APBA2: variants seen among roughly 807,000 people sequenced by gnomAD.
APBA2 encodes amyloid-beta A4 precursor protein-binding family A member 2.
In APBA2, 30 loss-of-function variants were observed where a neutral mutation model predicts 75.0. The ratio of observed to expected loss-of-function variants is 0.40; its 90% CI spans 0.30 to 0.54. The LOEUF (loss-of-function observed/expected upper bound fraction) is 0.54. Among genes scored for constraint, APBA2 ranks in the 20% least tolerant of loss-of-function variants. The pLI is 0.49. For synonymous variants in APBA2, 444 were observed against 409.6 expected (o/e 1.08, Z -1.01); for missense variants, 801 against 1,016.1 (o/e 0.79, Z 2.88).
intron 6 of APBA2, among the ~76,000 whole-genome samples, 174 bp from the exon 7 acceptor site, chr15:29,092,901 T>C (rs1325459686): frequency 6.6e-6 from 1 of 151,876 alleles, no homozygotes; most frequent in East Asian, 1.9e-4. Context: ...CAGCACGGGG[T>C]AGTGAGGGAA....
chr15:28,903,381 T>G (rs538122892), intron 1 of APBA2, among the ~76,000 whole-genome samples: 1 of 152,320 alleles, frequency 6.6e-6, no homozygotes, highest in East Asian at 1.9e-4. Flanking sequence ...GGCTGGCACC[T>G]GAGCATTTAT....
At chr15:29,106,583 C>G in intron 11 of APBA2, 24 bp from the exon 12 acceptor site, 1 of 1,612,950 alleles carries the variant, frequency 6.2e-7, no homozygotes, top group Non-Finnish European at 8.5e-7. Context: ...GCCAGCCCCT[C>G]TCACACTGCT....
At chr15:28,987,309 C>T (rs2037974973) in intron 2 of APBA2, among the ~76,000 whole-genome samples, 1 of 152,144 alleles carries the variant, frequency 6.6e-6, no homozygotes, top group African/African-American at 2.4e-5. Context: ...CACACATAGT[C>T]TGTGGGCCAG....
chr15:28,906,036 T>C (rs2033115539), intron 1 of APBA2, among the ~76,000 whole-genome samples: 1 of 152,070 alleles, frequency 6.6e-6, no homozygotes, highest in African/African-American at 2.4e-5. Context: ...TTTCTGTCTG[T>C]GGAAATATTT....
rs2044127483 is a variant in APBA2, at chr15:29,101,608, A to T, written c.1348A>T (p.Met450Leu). The T allele has an allele frequency of 6.2e-7, 1 of 1,613,350 alleles. No individual in the cohort carries two copies. Residue 450 changes from methionine to leucine, a missense_variant, in exon 10 of 15, where the codon ATG becomes TTG. Physicochemically the swap from Met to Leu is conservative, Grantham distance 15 (BLOSUM62 2). Transcript: ENST00000683413. ...VLNADTQETM[M>L]DHALRTISYI... Reference sequence around the variant, plus strand: ...GTCTCCCTCCCGACAGGAAACCATGATGGACCACGCCTTGCGTACCATCTC... The same window carrying T: ...GTCTCCCTCCCGACAGGAAACCATGTTGGACCACGCCTTGCGTACCATCTC...
intron 14 of APBA2, 130 bp from the exon 15 acceptor site, chr15:29,116,932 T>C: frequency 9.8e-7 from 1 of 1,021,998 alleles, no homozygotes; most frequent in Non-Finnish European, 1.6e-6. Context: ...AGGCTGGCCT[T>C]CCTCCTTCAC....
intron 6 of APBA2, among the ~76,000 whole-genome samples, chr15:29,088,684 C>G (rs376277473): frequency 2.6e-5 from 4 of 152,294 alleles, no homozygotes; most frequent in South Asian, 4.2e-4. Flanking sequence ...TCTCTGCTGC[C>G]TGCCCCTCTG....
At chr15:28,892,299 C>T (rs1292059050) in intron 1 of APBA2, among the ~76,000 whole-genome samples, 4 of 152,192 alleles carry the variant, frequency 2.6e-5, no homozygotes, top group African/African-American at 7.2e-5. Flanking sequence ...ATGGTCTCGA[C>T]CTCCTGACCT....
chr15:28,948,839 C>T (rs772247652), intron 2 of APBA2, among the ~76,000 whole-genome samples: 17 of 151,592 alleles, frequency 1.1e-4, no homozygotes, highest in Non-Finnish European at 1.9e-4. Flanking sequence ...TCTTGAATGT[C>T]CCAGGCCAGG....
chr15:29,086,381 T>C (rs1009963514), intron 6 of APBA2, among the ~76,000 whole-genome samples: 3 of 152,244 alleles, frequency 2.0e-5, no homozygotes, highest in African/African-American at 7.2e-5. Context: ...ACGGTTGTTG[T>C]TTTGAGCCAC....
chr15:29,117,307 G>A lies in APBA2; in HGVS notation c.*174G>A, dbSNP rs28452716. The A allele has an allele frequency of 4.3e-3, 2,718 of 626,050 alleles. 61 individuals carry two copies. The African/African-American group carries it at 0.045, about 10-fold the overall frequency. The allele number at this position is 626,050 out of a possible 1,614,324, so 38.8% of individuals were successfully genotyped here. A position where few individuals can be genotyped will look rare whatever the true frequency, so the allele number is the denominator to read the frequency against. On this transcript the variant is annotated 3_prime_UTR_variant, in exon 15 of 15. Coordinates refer to ENST00000683413, the MANE Select transcript of APBA2 (RefSeq NM_001353788.2). Reference sequence around the variant, plus strand: ...GATTTTTTTCATTTTGCCAAAAAGGGGTATGTCTTTATCAAAGGAGAGTCA... The same window carrying A: ...GATTTTTTTCATTTTGCCAAAAAGGAGTATGTCTTTATCAAAGGAGAGTCA...
chr15:28,898,050 T>C (rs2152624247), intron 1 of APBA2, among the ~76,000 whole-genome samples: 1 of 152,216 alleles, frequency 6.6e-6, no homozygotes, highest in African/African-American at 2.4e-5. Context: ...CGGCCACAGC[T>C]CAGGGAGCAC....
chr15:28,989,320 C>T (rs988439601), intron 2 of APBA2, among the ~76,000 whole-genome samples: 13 of 152,188 alleles, frequency 8.5e-5, no homozygotes, highest in South Asian at 6.2e-4. Flanking sequence ...CTGTGTATGC[C>T]TCAGTGTCCT....
At chr15:29,050,227 G>A (rs1291924967) in intron 3 of APBA2, among the ~76,000 whole-genome samples, 1 of 152,156 alleles carries the variant, frequency 6.6e-6, no homozygotes, top group Non-Finnish European at 1.5e-5. Flanking sequence ...TAGTGGAACA[G>A]TGTTAGCAAA....
chr15:29,015,627 T>C (rs1315101035), intron 3 of APBA2, among the ~76,000 whole-genome samples: 1 of 152,232 alleles, frequency 6.6e-6, no homozygotes, highest in Non-Finnish European at 1.5e-5. Flanking sequence ...GAATACATTT[T>C]AAAAAATGAT....
chr15:29,048,866 C>T (rs2041467909), intron 3 of APBA2, among the ~76,000 whole-genome samples: 1 of 151,528 alleles, frequency 6.6e-6, no homozygotes, highest in East Asian at 1.9e-4. Context: ...TCACTTGAAC[C>T]TGGGAGGTGG....
intron 1 of APBA2, among the ~76,000 whole-genome samples, chr15:28,908,032 A>G (rs993324341): frequency 6.6e-6 from 1 of 152,198 alleles, no homozygotes; most frequent in African/African-American, 2.4e-5. Context: ...TTTGCAGTGC[A>G]CCTCTGTCCT....
intron 4 of APBA2, among the ~76,000 whole-genome samples, chr15:29,065,351 C>T (rs12592981): frequency 0.19 from 29,003 of 152,058 alleles, 3,042 homozygotes; most frequent in African/African-American, 0.28. Context: ...CGCTGAGATG[C>T]GTAATGTCAC....
intron 3 of APBA2, among the ~76,000 whole-genome samples, chr15:29,037,911 G>A (rs554657235): frequency 6.6e-6 from 1 of 152,242 alleles, no homozygotes; most frequent in South Asian, 2.1e-4. Flanking sequence ...ATTCCTGACG[G>A]CAGAGTCCTC....
Sources: allele counts gnomAD v4.1 joint callset (sites outside exome capture counted in the v4.1 genomes callset), GRCh38; gene constraint gnomAD v4.1.1; transcripts MANE v1.5; gene names NCBI Gene and HGNC (gene_info 2026-07-23, HGNC 2026-07-21).